Variants in TRAPPC9 observed in about 807,000 individuals in gnomAD.
TRAPPC9 encodes IKK2 binding protein.
Under a neutral mutation model 124.0 loss-of-function variants are expected in TRAPPC9, and 83 were observed. The ratio of observed to expected loss-of-function variants is 0.67; its 90% CI spans 0.56 to 0.80. The LOEUF (loss-of-function observed/expected upper bound fraction) is 0.80, where lower values mean the gene tolerates loss of function less well. Ranked by LOEUF, TRAPPC9 falls within the 30% of genes least tolerant of loss-of-function variation. The probability of loss-of-function intolerance (pLI) is 0.00; values close to 1 mark genes in which losing one functional copy is unlikely to be tolerated. For missense variants in TRAPPC9, 1,302 were observed against 1,508.3 expected (o/e 0.86, Z 2.27); for synonymous variants, 638 against 617.5 (o/e 1.03, Z -0.49).
chr8:139,822,570 A>G (rs993257657), intron 21 of TRAPPC9, among the ~76,000 whole-genome samples: 18 of 152,090 alleles, frequency 1.2e-4, no homozygotes, highest in African/African-American at 4.3e-4. Context: ...GGTGCTAGAG[A>G]TGGCCTCCCT....
At chr8:139,912,303 T>C (rs1587185753) in intron 19 of TRAPPC9, among the ~76,000 whole-genome samples, 1 of 152,256 alleles carries the variant, frequency 6.6e-6, no homozygotes, top group Non-Finnish European at 1.5e-5. Context: ...ATTCTCTTAA[T>C]ATGCTATGAA....
intron 18 of TRAPPC9, among the ~76,000 whole-genome samples, chr8:140,005,166 C>T (rs1189077546): frequency 1.3e-5 from 2 of 152,200 alleles, no homozygotes; most frequent in African/African-American, 4.8e-5. Context: ...CTATGAATGA[C>T]TACCTATCTA....
At chr8:140,166,076 G>A (rs545033098) in intron 17 of TRAPPC9, among the ~76,000 whole-genome samples, 11 of 152,284 alleles carry the variant, frequency 7.2e-5, no homozygotes, top group Non-Finnish European at 1.2e-4. Flanking sequence ...GTGCACCTAC[G>A]ACCAGGTGGT....
At chr8:140,099,165 C>CGCCCTCCGTGATCCTGCGCA (rs1417814737) in intron 17 of TRAPPC9, 9 of 151,374 alleles carry the variant, frequency 5.9e-5, no homozygotes, top group Non-Finnish European at 1.0e-4. Flanking sequence ...AGGGTACTGA[C>CGCCCTCCGTGATCCTGCGCA]GCCCTCCGTG....
chr8:140,027,111 G>A lies in TRAPPC9; in HGVS notation c.2557-3032C>T, dbSNP rs527361291. On this transcript the variant is annotated intron_variant, in intron 17 of 22. Coordinates refer to ENST00000438773, the MANE Select transcript of TRAPPC9 (RefSeq NM_001160372.4). ...GAGTTCAACTGACTTTCATCTGTTTGATCTATTTTTTCATTCATCTTTTCA... is the reference window on the plus strand; with the variant it reads ...GAGTTCAACTGACTTTCATCTGTTTAATCTATTTTTTCATTCATCTTTTCA... Among the ~76,000 whole-genome samples, 8 of 152,260 alleles carry A rather than the reference G, an allele frequency of 5.3e-5. No individual in the cohort carries two copies. In the South Asian group the frequency reaches 1.7e-3, roughly 32 times the overall value.
At chr8:140,210,383 G>A (rs1442138462) in intron 17 of TRAPPC9, among the ~76,000 whole-genome samples, 2 of 152,248 alleles carry the variant, frequency 1.3e-5, no homozygotes, top group Admixed American at 6.5e-5. Context: ...CCAGCACCAA[G>A]TGAGCATCGG....
chr8:140,442,561 G>A lies in TRAPPC9; in HGVS notation c.585-3364C>T, dbSNP rs938857527. Among the ~76,000 whole-genome samples the A allele has an allele frequency of 4.7e-5, 7 of 148,248 alleles. No homozygotes were observed. In the Admixed American group the frequency reaches 4.8e-4, roughly 10 times the overall value. On this transcript the variant is annotated intron_variant, in intron 2 of 22. Coordinates refer to ENST00000438773, the MANE Select transcript of TRAPPC9 (RefSeq NM_001160372.4). ...TGCAGTGAGCTAAGATTGCACCACT[G>A]CACTCCAACCTGGTCGACAGAGCGA...
intron 19 of TRAPPC9, among the ~76,000 whole-genome samples, chr8:139,940,940 A>T (rs1227576064): frequency 6.6e-6 from 1 of 152,196 alleles, no homozygotes; most frequent in Non-Finnish European, 1.5e-5. Flanking sequence ...GGCATCTGCG[A>T]TAGTAAAGTG....
At position 139,910,382 on chromosome 8, in the gene TRAPPC9, C is replaced by T. The variant is rs966364326; in HGVS notation, c.2811-82G>A. ...CTGTTGGAGAATCAGCACATGCCAG[C>T]GTGAGACACTATAATGAATCATTAT... On this transcript the variant is annotated intron_variant, in intron 19 of 22. Coordinates refer to ENST00000438773, the MANE Select transcript of TRAPPC9 (RefSeq NM_001160372.4). 31 of 1,315,448 alleles carry T rather than the reference C, an allele frequency of 2.4e-5. No homozygotes were observed. In the Middle Eastern group the frequency reaches 5.4e-4, roughly 23 times the overall value. 81.5% of individuals were successfully genotyped at this position (1,315,448 alleles called of 1,614,324 possible). A position where few individuals can be genotyped will look rare whatever the true frequency, so the allele number is the denominator to read the frequency against.
chr8:140,119,061 G>A (rs1422168807), intron 17 of TRAPPC9, among the ~76,000 whole-genome samples: 1 of 152,236 alleles, frequency 6.6e-6, no homozygotes, highest in Non-Finnish European at 1.5e-5. Flanking sequence ...CATCTGAAAT[G>A]TAAGCATCTG....
At chr8:139,932,613 A>C (rs1421268511) in intron 19 of TRAPPC9, 10 of 429,294 alleles carry the variant, frequency 2.3e-5, no homozygotes, top group Admixed American at 2.4e-5. Flanking sequence ...TTACAAAAAA[A>C]ATTAGCCAGG....
intron 20 of TRAPPC9, among the ~76,000 whole-genome samples, chr8:139,889,611 C>A (rs558126383): frequency 6.6e-6 from 1 of 152,298 alleles, no homozygotes; most frequent in South Asian, 2.1e-4. Flanking sequence ...CACTCCTGAG[C>A]TGGACACTGA....
In TRAPPC9 at chr8:140,357,363, C is replaced by T. The variant is rs149005566; in HGVS notation, c.1495+2687G>A. ...GAAGGAGTGACACTGACGGCTCAGG[C>T]GAAGGGCTCAGGGCCGTGTCACCAC... is the stretch of plus-strand genomic sequence containing the variant. On this transcript the variant is annotated intron_variant, in intron 9 of 22. Transcript: ENST00000438773. 3.1e-3 allele frequency among the ~76,000 whole-genome samples: 468 copies of T among 152,142 alleles called. 4 individuals carry two copies. Among genetic ancestry groups the T allele is most frequent in the African/African-American group, 0.011 (447 of 41,476 alleles).
intron 8 of TRAPPC9, among the ~76,000 whole-genome samples, chr8:140,363,153 A>C (rs1430344275): frequency 2.6e-5 from 4 of 152,232 alleles, no homozygotes; most frequent in African/African-American, 9.6e-5. Flanking sequence ...CTTTCATAAG[A>C]GTTCCTGGGC....
chr8:139,811,157 G>T (rs1221154281), intron 21 of TRAPPC9, among the ~76,000 whole-genome samples: 1 of 152,014 alleles, frequency 6.6e-6, no homozygotes, highest in Non-Finnish European at 1.5e-5. Context: ...AAAGAACAAG[G>T]TTCTATAAAA....
intron 17 of TRAPPC9, among the ~76,000 whole-genome samples, chr8:140,079,267 A>G (rs1304118903): frequency 2.0e-5 from 3 of 152,198 alleles, no homozygotes; most frequent in African/African-American, 7.2e-5. Flanking sequence ...TGTCTTTATT[A>G]GCAGAGTGAG....
intron 9 of TRAPPC9, among the ~76,000 whole-genome samples, chr8:140,319,342 A>AT (rs1303262918): frequency 6.6e-6 from 1 of 150,932 alleles, no homozygotes; most frequent in Non-Finnish European, 1.5e-5. Flanking sequence ...GGCCTGGCTA[A>AT]TTTTTTTTGT....
At position 140,317,414 on chromosome 8, in the gene TRAPPC9, C is replaced by A. The variant is rs187644437; in HGVS notation, c.1496-6040G>T. On this transcript the variant is annotated intron_variant, in intron 9 of 22. Transcript: ENST00000438773. The stretch of plus-strand genomic sequence containing the variant: ...GATAAGGTCCCATTATTCTTTGATC[C>A]CTTTGTTTCTGGTTCATATCCAGCC... Among the ~76,000 whole-genome samples, 292 of 152,212 alleles carry A rather than the reference C, an allele frequency of 1.9e-3. 2 individuals carry two copies. The highest frequency in any genetic ancestry group is 1.0e-3 in the Non-Finnish European group (71 of 68,014).
rs570722263 is a variant in TRAPPC9 at position 139,925,929 on chromosome 8, G to A, written c.2811-15629C>T. 4.6e-5 allele frequency among the ~76,000 whole-genome samples: 7 copies of A among 152,236 alleles called. No homozygotes were observed. The South Asian group carries it at 1.2e-3, about 27-fold the overall frequency. ...GTGAAATGAGATTTGAGCCACACAC[G>A]TGTCTCAGCCTGACTCCCCAAGAGG... is the stretch of plus-strand genomic sequence containing the variant. On this transcript the variant is annotated intron_variant, in intron 19 of 22. Coordinates refer to ENST00000438773, the MANE Select transcript of TRAPPC9 (RefSeq NM_001160372.4).
Sources: gnomAD v4.1 joint callset for allele counts (sites outside exome capture counted in the v4.1 genomes callset) on GRCh38, gnomAD v4.1.1 for gene constraint, MANE v1.5 for transcripts, NCBI Gene and HGNC (gene_info 2026-07-23, HGNC 2026-07-21) for gene names.